Variants in DRC9 observed in about 807,000 individuals in gnomAD.
DRC9 encodes dynein regulatory complex subunit 9.
At chr3:197,904,577 AG>A in the DRC9 span, among the ~76,000 whole-genome samples, 1 of 152,138 alleles carries the variant, frequency 6.6e-6, no homozygotes, top group Non-Finnish European at 1.5e-5. Flanking sequence ...GATAAAGAAA[AG>A]GTGGGGCCGG....
At chr3:197,904,104 A>AT in the DRC9 span, among the ~76,000 whole-genome samples, 1 of 49,090 alleles carries the variant, frequency 2.0e-5, no homozygotes, top group African/African-American at 7.0e-5. Flanking sequence ...ATATATATAT[A>AT]TATATATTTT....
chr3:197,912,555 T>G, the DRC9 span: 5 of 746,408 alleles, frequency 6.7e-6, no homozygotes, highest in South Asian at 8.4e-5. Flanking sequence ...AAACATGAGC[T>G]AAAGTTCATT....
chr3:197,932,998 A>G, the DRC9 span, among the ~76,000 whole-genome samples: 1 of 140,808 alleles, frequency 7.1e-6, no homozygotes, highest in African/African-American at 2.6e-5. Context: ...ATTACATATT[A>G]TATATGTATA....
chr3:197,913,954 T>C, the DRC9 span: 1 of 1,614,202 alleles, frequency 6.2e-7, no homozygotes, highest in East Asian at 2.2e-5. Context: ...CAGCTCGGTA[T>C]TGGTTTTCAT....
chr3:197,939,107 G>A, the DRC9 span: 55 of 252,596 alleles, frequency 2.2e-4, no homozygotes, highest in Middle Eastern at 1.5e-3. Flanking sequence ...TTCTAGGGTC[G>A]GGGGGACAGT....
the DRC9 span, chr3:197,912,541 A>G: frequency 1.4e-6 from 1 of 708,274 alleles, no homozygotes; most frequent in South Asian, 1.7e-5. Flanking sequence ...ATAACCCTGA[A>G]AGAAAACATG....
the DRC9 span, among the ~76,000 whole-genome samples, chr3:197,899,321 A>G: frequency 4.6e-5 from 7 of 152,256 alleles, no homozygotes; most frequent in Admixed American, 4.6e-4. Flanking sequence ...AAAAAGATGG[A>G]AAGCTTCCAA....
the DRC9 span, chr3:197,950,866 T>TA: frequency 3.4e-6 from 5 of 1,479,540 alleles, no homozygotes; most frequent in Non-Finnish European, 4.7e-6. Context: ...TTTAGGGGCT[T>TA]AAACGAGAGG....
At chr3:197,892,568 C>T in the DRC9 span, 1 of 1,589,592 alleles carries the variant, frequency 6.3e-7, no homozygotes. Context: ...ACTCCCTCCT[C>T]AGTGAGCACC....
chr3:197,889,717 GGAAGA>G, the DRC9 span: 3 of 1,614,156 alleles, frequency 1.9e-6, no homozygotes, highest in South Asian at 1.1e-5. Context: ...GCCTGGAGCT[GGAAGA>G]GAAAAGGGGA....
At chr3:197,932,190 A>G in the DRC9 span, 1 of 1,612,844 alleles carries the variant, frequency 6.2e-7, no homozygotes, top group South Asian at 1.1e-5. Context: ...ATGATGTCAT[A>G]GAAATGCATT....
At chr3:197,948,527 G>A in the DRC9 span, among the ~76,000 whole-genome samples, 1 of 152,182 alleles carries the variant, frequency 6.6e-6, no homozygotes, top group African/African-American at 2.4e-5. Flanking sequence ...TTTGTGGAAC[G>A]AATAATACAC....
the DRC9 span, among the ~76,000 whole-genome samples, chr3:197,940,434 G>C: frequency 6.6e-6 from 1 of 151,890 alleles, no homozygotes; most frequent in African/African-American, 2.4e-5. Context: ...CCAAACTTTG[G>C]TCAAATCACT....
the DRC9 span, among the ~76,000 whole-genome samples, chr3:197,923,927 G>A: frequency 6.6e-5 from 10 of 152,194 alleles, no homozygotes; most frequent in African/African-American, 1.9e-4. Context: ...GCAGCCTGGC[G>A]TGGTGGCACG....
the DRC9 span, among the ~76,000 whole-genome samples, chr3:197,892,366 G>A: frequency 2.0e-5 from 3 of 152,218 alleles, no homozygotes; most frequent in Non-Finnish European, 2.9e-5. Context: ...TAGGCACTAC[G>A]TAAGTTAGCT....
the DRC9 span, among the ~76,000 whole-genome samples, chr3:197,946,434 CAA>C: frequency 0.06 from 4,364 of 72,426 alleles, 53 homozygotes; most frequent in Middle Eastern, 0.15. Flanking sequence ...GACTCCGTCT[CAA>C]AAAAAAAAAA....
chr3:197,921,067 C>T, the DRC9 span, among the ~76,000 whole-genome samples: 4 of 147,232 alleles, frequency 2.7e-5, no homozygotes, highest in South Asian at 8.6e-4. Flanking sequence ...TTGGTCGACC[C>T]GACTACTGGT....
chr3:197,937,522 T>A, the DRC9 span, among the ~76,000 whole-genome samples: 1 of 151,766 alleles, frequency 6.6e-6, no homozygotes, highest in African/African-American at 2.4e-5. Flanking sequence ...TGGAGTGCAG[T>A]GGTGCCATCT....
the DRC9 span, among the ~76,000 whole-genome samples, chr3:197,922,146 G>A: frequency 1.6e-4 from 25 of 152,138 alleles, no homozygotes; most frequent in Non-Finnish European, 2.6e-4. Context: ...GACCCACTAC[G>A]AAGCAGAATC....
Sources: allele counts gnomAD v4.1 joint callset (sites outside exome capture counted in the v4.1 genomes callset), GRCh38; gene constraint gnomAD v4.1.1; transcripts MANE v1.5; gene names NCBI Gene and HGNC (gene_info 2026-07-23, HGNC 2026-07-21).